Variants in TNFSF14 observed in about 807,000 individuals in gnomAD.
The protein encoded by TNFSF14 is tumor necrosis factor ligand superfamily member 14.
TNFSF14 carries 15 observed loss-of-function variants against 22.7 expected under a neutral mutation model. The observed-to-expected ratio is 0.66, with a 90% CI of 0.44 to 1.02. The LOEUF is 1.02. Among genes scored for constraint, TNFSF14 ranks in the 50% least tolerant of loss-of-function variants. The pLI is 0.00. For synonymous variants in TNFSF14, 133 were observed against 139.6 expected (o/e 0.95, Z 0.33); for missense variants, 287 against 326.2 (o/e 0.88, Z 0.93).
chr19:6,665,830 T>TG (rs886943584), intron 3 of TNFSF14, among the ~76,000 whole-genome samples: 26 of 148,780 alleles, frequency 1.7e-4, no homozygotes, highest in Admixed American at 5.4e-4. Flanking sequence ...TTTGTAGAGG[T>TG]GGGGGTCTCA....
In TNFSF14 at chr19:6,670,132, T is replaced by C; in HGVS notation, c.-63A>G. The C allele has an allele frequency of 6.3e-7, 1 of 1,592,336 alleles. No homozygotes were observed. The highest frequency in any genetic ancestry group is 8.6e-7 in the Non-Finnish European group (1 of 1,164,862). ...CCTTCAACCTCAGAGGAAACCGAAA[T>C]TGCTCAACACTCCTGGGCTGTGCAC... On this transcript the variant is annotated 5_prime_UTR_variant, in exon 1 of 4. Coordinates refer to ENST00000675206, the MANE Select transcript of TNFSF14 (RefSeq NM_001376887.1).
chr19:6,670,416 C>T (rs1372411990), upstream of TNFSF14: 2 of 445,552 alleles, frequency 4.5e-6, no homozygotes, highest in Admixed American at 4.6e-5. Flanking sequence ...GGACTTTCTG[C>T]CCATGCCAGG....
At chr19:6,667,083 C>T in intron 3 of TNFSF14, 30 bp downstream of exon 3, 2 of 1,609,184 alleles carry the variant, frequency 1.2e-6, no homozygotes, top group Non-Finnish European at 8.5e-7. Flanking sequence ...CTGACCCCTG[C>T]CCCTTGCCAG....
Position 6,663,400 on chromosome 19 carries a change from G to A in TNFSF14, c.*1526C>T, listed in dbSNP as rs566817897. On this transcript the variant is annotated 3_prime_UTR_variant, in exon 4 of 4. Transcript: ENST00000675206. Reference sequence around the variant, plus strand: ...TGTGTTTGTCATCGTGATGTTGTGTGTGTAATGTGTGTTTGTCATCGTGAT... The same window carrying A: ...TGTGTTTGTCATCGTGATGTTGTGTATGTAATGTGTGTTTGTCATCGTGAT... 5.9e-5 allele frequency: 9 copies of A among 152,118 alleles called. No homozygotes were observed. In the East Asian group the frequency reaches 1.5e-3, roughly 26 times the overall value. 9.4% of individuals were successfully genotyped at this position (152,118 alleles called of 1,614,324 possible). A position where few individuals can be genotyped will look rare whatever the true frequency, so the allele number is the denominator to read the frequency against.
At position 6,664,693 on chromosome 19, in the gene TNFSF14, C is replaced by A; in HGVS notation, c.*233G>T. ...GTAGCTGGATTACAGGCAGGCACCA[C>A]CACGTCCGGCTAATTTTTGTATTTT... On this transcript the variant is annotated 3_prime_UTR_variant, in exon 4 of 4. Coordinates refer to ENST00000675206, the MANE Select transcript of TNFSF14 (RefSeq NM_001376887.1). The surrounding 1 kb of genome is among the most constrained non-coding windows in gnomAD (Gnocchi z 4.7). 1 of 408,382 alleles carries A rather than the reference C, an allele frequency of 2.4e-6. No individual in the cohort carries two copies. The highest frequency in any genetic ancestry group is 4.4e-6 in the Non-Finnish European group (1 of 226,614). 25.3% of individuals were successfully genotyped at this position (408,382 alleles called of 1,614,324 possible). A position where few individuals can be genotyped will look rare whatever the true frequency, so the allele number is the denominator to read the frequency against.
rs1212530675 is a variant in TNFSF14 at position 6,667,457 on chromosome 19, T to G, written c.220-8A>C. ...GGAGCCTGCAGGTCCGTCCTGAAAA[T>G]GCAGAAGGGGCCTGCGGTAAGAACC... is the stretch of plus-strand genomic sequence containing the variant. On this transcript the variant is annotated splice_polypyrimidine_tract_variant and splice_region_variant and intron_variant, in intron 1 of 3. Transcript: ENST00000675206. The G allele has an allele frequency of 6.4e-7, 1 of 1,567,730 alleles. No homozygotes were observed. Among genetic ancestry groups the G allele is most frequent in the Non-Finnish European group, 8.6e-7 (1 of 1,165,062 alleles).
intron 3 of TNFSF14, among the ~76,000 whole-genome samples, chr19:6,666,180 CCCAGGAGTTTGAGT>C (rs1182371858): frequency 6.6e-6 from 1 of 151,350 alleles, no homozygotes; most frequent in African/African-American, 2.4e-5. Context: ...ATCCCCTGAG[CCCAGGAGTTTGAGT>C]CCAGGAGTTC....
Position 6,664,889 on chromosome 19 carries a change from G to T in TNFSF14, c.*37C>A, listed in dbSNP as rs1287877661. On this transcript the variant is annotated 3_prime_UTR_variant, in exon 4 of 4. Coordinates refer to ENST00000675206, the MANE Select transcript of TNFSF14 (RefSeq NM_001376887.1). The surrounding 1 kb of genome is among the most constrained non-coding windows in gnomAD (Gnocchi z 4.7). ...CTGAGGCACCCTCTGAGTTCTCCAC[G>T]TGTCAGACCCATGTCCAATGCACCA... The T allele has an allele frequency of 6.5e-7, 1 of 1,539,832 alleles. No individual in the cohort carries two copies. The highest frequency in any genetic ancestry group is 1.2e-5 in the South Asian group (1 of 81,226).
intron 1 of TNFSF14, 80 bp downstream of exon 1, chr19:6,669,771 C>CAG (rs1568204204): frequency 9.3e-6 from 14 of 1,506,332 alleles, no homozygotes; most frequent in Non-Finnish European, 4.5e-6. Flanking sequence ...CACACACACA[C>CAG]ACAGACACAC....
At position 6,669,834 on chromosome 19, in the gene TNFSF14, C is replaced by T. The variant is rs780067146; in HGVS notation, c.219+17G>A. The T allele has an allele frequency of 1.6e-5, 25 of 1,609,466 alleles. No homozygotes were observed. In the East Asian group the frequency reaches 2.9e-4, roughly 19 times the overall value. Reference sequence around the variant, plus strand: ...CCCCTCACCTCCACCTGCTCTCAGCCCCCCGGTCCCACTCACAGGCAGGCG... The same window carrying T: ...CCCCTCACCTCCACCTGCTCTCAGCTCCCCGGTCCCACTCACAGGCAGGCG... On this transcript the variant is annotated intron_variant, in intron 1 of 3. Transcript: ENST00000675206.
Position 6,665,235 on chromosome 19 carries a change from A to G in TNFSF14, c.414T>C (p.Ala138=). 1 of 1,614,020 alleles carries G rather than the reference A, an allele frequency of 6.2e-7. No homozygotes were observed. The highest frequency in any genetic ancestry group is 1.1e-5 in the South Asian group (1 of 91,074). Residue 138 remains alanine, a synonymous_variant, in exon 4 of 4, where the codon GCT becomes GCC. Transcript: ENST00000675206. ...CCTTGGAGTAGATGTAGTAGTAGCC[A>G]GCTTTGGTGACCACAAGGGCCCCAT... ...YHDGALVVTK[A]GYYYIYSKVQ... is the part of the protein sequence containing the mutation.
At chr19:6,668,551 C>T (rs1174773776) in intron 1 of TNFSF14, among the ~76,000 whole-genome samples, 5 of 151,754 alleles carry the variant, frequency 3.3e-5, no homozygotes, top group African/African-American at 1.2e-4. Context: ...ACTAAAAATA[C>T]ACAAATTAGC....
intron 2 of TNFSF14, 44 bp from the exon 3 acceptor site, chr19:6,667,198 TA>T: frequency 6.6e-7 from 1 of 1,518,986 alleles, no homozygotes; most frequent in Non-Finnish European, 8.8e-7. Flanking sequence ...ACAGTGGAGG[TA>T]AAAAGCCAGC....
At chr19:6,665,784 CGTGTGTGTGTGTGTGT>C (rs35598085) in intron 3 of TNFSF14, among the ~76,000 whole-genome samples, 1 of 140,564 alleles carries the variant, frequency 7.1e-6, no homozygotes, top group South Asian at 2.3e-4. Flanking sequence ...TGCATGTGTG[CGTGTGTGTGTGTGTGT>C]GTGTGTGTGT....
chr19:6,670,135 C>G lies in TNFSF14; in HGVS notation c.-66G>C, dbSNP rs1189530037. 1 of 1,587,848 alleles carries G rather than the reference C, an allele frequency of 6.3e-7. No homozygotes were observed. Among genetic ancestry groups the G allele is most frequent in the African/African-American group, 1.3e-5 (1 of 74,422 alleles). On this transcript the variant is annotated 5_prime_UTR_variant, in exon 1 of 4. Coordinates refer to ENST00000675206, the MANE Select transcript of TNFSF14 (RefSeq NM_001376887.1). ...TCAACCTCAGAGGAAACCGAAATTGCTCAACACTCCTGGGCTGTGCACGCT... is the reference window on the plus strand; with the variant it reads ...TCAACCTCAGAGGAAACCGAAATTGGTCAACACTCCTGGGCTGTGCACGCT...
rs369378550 is a variant in TNFSF14 at position 6,670,089 on chromosome 19, G to C, written c.-20C>G. On this transcript the variant is annotated 5_prime_UTR_variant, in exon 1 of 4. Coordinates refer to ENST00000675206, the MANE Select transcript of TNFSF14 (RefSeq NM_001376887.1). ...CTCCATGCCCAAGGTGTCTGGAGCA[G>C]GGCTGACACGCCTGGGTCCTTCAAC... The C allele has an allele frequency of 7.5e-6, 12 of 1,609,938 alleles. 1 individual carries two copies. The East Asian group carries it at 2.7e-4, about 36-fold the overall frequency.
chr19:6,666,770 T>C (rs1238807939), intron 3 of TNFSF14, among the ~76,000 whole-genome samples: 8 of 151,966 alleles, frequency 5.3e-5, no homozygotes, highest in Admixed American at 3.3e-4. Flanking sequence ...TGGTGGTGCA[T>C]GCCTGTAATC....
At position 6,662,901 on chromosome 19, in the gene TNFSF14, G is replaced by T. The variant is rs1917283329; in HGVS notation, c.*2025C>A. 6.6e-6 allele frequency: 1 copy of T among 152,180 alleles called. No individual in the cohort carries two copies. Among genetic ancestry groups the T allele is most frequent in the South Asian group, 2.1e-4 (1 of 4,822 alleles). 9.4% of individuals were successfully genotyped at this position (152,180 alleles called of 1,614,324 possible). ...ATTGGAGAGGAAGCCAGATCCAGAC[G>T]TGAGGTCTCTGGTTTCCCCCACATT... is the stretch of plus-strand genomic sequence containing the variant. On this transcript the variant is annotated 3_prime_UTR_variant, in exon 4 of 4. Coordinates refer to ENST00000675206, the MANE Select transcript of TNFSF14 (RefSeq NM_001376887.1).
In TNFSF14 at chr19:6,662,751, C is replaced by T. The variant is rs10410389; in HGVS notation, c.*2175G>A. ...TTGTATGCATATCATTATCTGCCCC[C>T]ACCCAACCCACCAGCTCCCTGTGTT... On this transcript the variant is annotated 3_prime_UTR_variant, in exon 4 of 4. Coordinates refer to ENST00000675206, the MANE Select transcript of TNFSF14 (RefSeq NM_001376887.1). 2.0e-5 allele frequency: 3 copies of T among 152,332 alleles called. No homozygotes were observed. Among genetic ancestry groups the T allele is most frequent in the African/African-American group, 4.8e-5 (2 of 41,450 alleles). The allele number at this position is 152,332 out of a possible 1,614,324, so 9.4% of individuals were successfully genotyped here.
Sources: gnomAD v4.1 joint callset for allele counts (sites outside exome capture counted in the v4.1 genomes callset) on GRCh38, gnomAD v4.1.1 for gene constraint, Gnocchi (gnomAD v3.1) non-coding constraint, MANE v1.5 for transcripts, NCBI Gene and HGNC (gene_info 2026-07-23, HGNC 2026-07-21) for gene names.